Variants in SORCS1 observed in about 807,000 individuals in gnomAD.
The protein encoded by SORCS1 is VPS10 domain-containing receptor SorCS1.
SORCS1 carries 60 observed loss-of-function variants against 146.1 expected under a neutral mutation model. The observed-to-expected ratio is 0.41, with a 90% CI of 0.33 to 0.51. The LOEUF is 0.51. Ranked by LOEUF, SORCS1 falls within the 20% of genes least tolerant of loss-of-function variation. The pLI is 0.21. For synonymous variants in SORCS1, 637 were observed against 584.0 expected, an observed-to-expected ratio of 1.09 and a Z score of -1.31; for missense variants, 1,352 against 1,487.6, an observed-to-expected ratio of 0.91 and a Z score of 1.50.
chr10:106,763,989 C>A (rs564093006), intron 4 of SORCS1, among the ~76,000 whole-genome samples: 2 of 152,306 alleles, frequency 1.3e-5, no homozygotes, highest in South Asian at 4.1e-4. Context: ...TTTTGTACCA[C>A]GTGAATTTCC....
At position 106,600,528 on chromosome 10, in the gene SORCS1, A is replaced by C. The variant is rs78655339; in HGVS notation, c.3166-3078T>G. The C allele has an allele frequency of 4.1e-3, 4,022 of 985,278 alleles. 109 individuals carry two copies. In the African/African-American group the frequency reaches 0.06, roughly 15 times the overall value. 61.0% of individuals were successfully genotyped at this position (985,278 alleles called of 1,614,324 possible). On this transcript the variant is annotated intron_variant, in intron 23 of 25. Coordinates refer to ENST00000263054, the MANE Select transcript of SORCS1 (RefSeq NM_052918.5). ...TTGACAGATTTTGACAATATTTTAGATGTTTTCCACACCACTTGTAGAAGT... is the reference window on the plus strand; with the variant it reads ...TTGACAGATTTTGACAATATTTTAGCTGTTTTCCACACCACTTGTAGAAGT...
intron 18 of SORCS1, among the ~76,000 whole-genome samples, chr10:106,632,779 G>A (rs1848511898): frequency 6.6e-6 from 1 of 152,186 alleles, no homozygotes; most frequent in African/African-American, 2.4e-5. Flanking sequence ...GGTACATGGA[G>A]TTGTAAGCTT....
chr10:106,577,100 G>T lies in SORCS1; in HGVS notation c.*320C>A. On this transcript the variant is annotated 3_prime_UTR_variant, in exon 26 of 26. Transcript: ENST00000263054. The stretch of plus-strand genomic sequence containing the variant: ...TTAAAGCTAAAAACCCTTGTTGTCT[G>T]TGTCTGAAGAATTAAAAAGTCCCGA... The T allele has an allele frequency of 1.2e-6, 1 of 815,740 alleles. No homozygotes were observed. The allele number at this position is 815,740 out of a possible 1,614,324, so 50.5% of individuals were successfully genotyped here. A position where few individuals can be genotyped will look rare whatever the true frequency, so the allele number is the denominator to read the frequency against.
chr10:107,090,187 A>G (rs755027360), intron 1 of SORCS1, among the ~76,000 whole-genome samples: 5 of 152,204 alleles, frequency 3.3e-5, no homozygotes, highest in Non-Finnish European at 7.3e-5. Flanking sequence ...GGGCAGGAAC[A>G]CTGCGAGCAC....
intron 24 of SORCS1, among the ~76,000 whole-genome samples, chr10:106,584,788 A>C (rs1476921994): frequency 1.3e-5 from 2 of 152,200 alleles, no homozygotes; most frequent in Non-Finnish European, 2.9e-5. Context: ...ATTTAAACTG[A>C]GGGTGAATCT....
chr10:107,003,742 A>G (rs1957316238), intron 1 of SORCS1, among the ~76,000 whole-genome samples: 1 of 152,120 alleles, frequency 6.6e-6, no homozygotes, highest in Non-Finnish European at 1.5e-5. Context: ...TCTCACAGAG[A>G]AGATCCTACC....
At chr10:107,166,762 C>T (rs1970061332), upstream of SORCS1, among the ~76,000 whole-genome samples, 1 of 152,086 alleles carries the variant, frequency 6.6e-6, no homozygotes, top group Admixed American at 6.5e-5. Flanking sequence ...GGGAATTCCT[C>T]CAAGAAAGGA....
chr10:106,787,659 G>A (rs781545799), intron 3 of SORCS1, among the ~76,000 whole-genome samples: 1 of 152,120 alleles, frequency 6.6e-6, no homozygotes, highest in Non-Finnish European at 1.5e-5. Flanking sequence ...TGTATGCAAA[G>A]GGAACAAAAA....
chr10:106,702,202 C>A (rs1854185908), intron 8 of SORCS1, among the ~76,000 whole-genome samples: 1 of 152,186 alleles, frequency 6.6e-6, no homozygotes, highest in Non-Finnish European at 1.5e-5. Context: ...TCCCATGGCT[C>A]CCCATCCTAT....
At chr10:106,617,715 C>A (rs141595017) in intron 21 of SORCS1, among the ~76,000 whole-genome samples, 1 of 152,138 alleles carries the variant, frequency 6.6e-6, no homozygotes, top group Non-Finnish European at 1.5e-5. Flanking sequence ...TTTTATGATA[C>A]AGATTTGTGG....
chr10:106,815,401 A>G (rs758580706), intron 3 of SORCS1, among the ~76,000 whole-genome samples: 1 of 152,222 alleles, frequency 6.6e-6, no homozygotes, highest in Non-Finnish European at 1.5e-5. Flanking sequence ...CCTCTCCCAC[A>G]TATTTATTTC....
intron 9 of SORCS1, among the ~76,000 whole-genome samples, chr10:106,698,896 A>G (rs111950838): frequency 5.9e-5 from 9 of 152,266 alleles, no homozygotes; most frequent in African/African-American, 2.2e-4. Context: ...GCCTTTCAGA[A>G]CTATGTCCAA....
rs375451225 is a variant in SORCS1 at position 106,730,009 on chromosome 10, T to C, written c.1024+41A>G. The C allele has an allele frequency of 5.0e-6, 8 of 1,597,900 alleles. No homozygotes were observed. The African/African-American group carries it at 1.1e-4, about 21-fold the overall frequency. On this transcript the variant is annotated intron_variant, in intron 6 of 25. Coordinates refer to ENST00000263054, the MANE Select transcript of SORCS1 (RefSeq NM_052918.5). ...TCAGTTCATGACAGAGTCATAGAAC[T>C]AATATTACTATGAGTATTGCGGCAA...
chr10:106,796,568 G>A (rs1946565317), intron 3 of SORCS1, among the ~76,000 whole-genome samples: 1 of 152,088 alleles, frequency 6.6e-6, no homozygotes, highest in South Asian at 2.1e-4. Context: ...GTCATTTTCT[G>A]TATTAAAGCT....
At position 107,048,586 on chromosome 10, in the gene SORCS1, A is replaced by G. The variant is rs541212449; in HGVS notation, c.559-92006T>C. On this transcript the variant is annotated intron_variant, in intron 1 of 25. Transcript: ENST00000263054. ...TCAATGAATTATTTAATAATATCTA[A>G]TAAGTACTTATAAATGAATATTTTA... Among the ~76,000 whole-genome samples, 218 of 152,350 alleles carry G rather than the reference A, an allele frequency of 1.4e-3. 1 individual carries two copies. The highest frequency in any genetic ancestry group is 2.4e-3 in the Non-Finnish European group (161 of 68,034).
intron 2 of SORCS1, among the ~76,000 whole-genome samples, chr10:106,898,855 C>T (rs1385029094): frequency 6.6e-6 from 1 of 152,140 alleles, no homozygotes; most frequent in Non-Finnish European, 1.5e-5. Flanking sequence ...TCCCACAAAC[C>T]CAAAGGCCCA....
At chr10:106,944,815 C>CATG (rs2138802834) in intron 2 of SORCS1, among the ~76,000 whole-genome samples, 1 of 114,782 alleles carries the variant, frequency 8.7e-6, no homozygotes, top group Non-Finnish European at 1.8e-5. Context: ...GATCATGACA[C>CATG]ATGTAGTGAA....
At chr10:107,087,291 T>G (rs1963835590) in intron 1 of SORCS1, among the ~76,000 whole-genome samples, 1 of 152,164 alleles carries the variant, frequency 6.6e-6, no homozygotes, top group African/African-American at 2.4e-5. Flanking sequence ...TCTTTTTTTT[T>G]TCCTGGAAAA....
intron 23 of SORCS1, among the ~76,000 whole-genome samples, chr10:106,599,935 C>A (rs1056116260): frequency 2.6e-5 from 4 of 152,016 alleles, no homozygotes; most frequent in Admixed American, 6.5e-5. Flanking sequence ...CCACATCCGG[C>A]TATTTTGTTG....
Sources: allele counts gnomAD v4.1 joint callset (sites outside exome capture counted in the v4.1 genomes callset), GRCh38; gene constraint gnomAD v4.1.1; transcripts MANE v1.5; gene names NCBI Gene and HGNC (gene_info 2026-07-23, HGNC 2026-07-21).